Variants in DEPDC5 observed in about 807,000 individuals in gnomAD.
The protein encoded by DEPDC5 is GATOR1 complex protein DEPDC5.
Under a neutral mutation model 217.3 loss-of-function variants are expected in DEPDC5, and 73 were observed. That is an observed-to-expected ratio of 0.34 (90% CI 0.28 to 0.41). The LOEUF (loss-of-function observed/expected upper bound fraction) is 0.41, where lower values mean the gene tolerates loss of function less well. Among genes scored for constraint, DEPDC5 ranks in the 10% least tolerant of loss-of-function variants. The pLI is 1.00. For synonymous variants in DEPDC5, 733 were observed against 756.7 expected (o/e 0.97, Z 0.51); for missense variants, 1,675 against 2,070.1 (o/e 0.81, Z 3.70).
At chr22:31,878,572 G>T (rs2093070282) in intron 37 of DEPDC5, among the ~76,000 whole-genome samples, 1 of 151,792 alleles carries the variant, frequency 6.6e-6, no homozygotes, top group Admixed American at 6.6e-5. Context: ...AATTGGCTGG[G>T]TGTGGTTGTA....
chr22:31,811,251 G>A (rs994664200), intron 20 of DEPDC5, among the ~76,000 whole-genome samples: 6 of 152,234 alleles, frequency 3.9e-5, no homozygotes, highest in Non-Finnish European at 7.4e-5. Context: ...TGTGTTTTTT[G>A]TAGAGATGGG....
Position 31,906,289 on chromosome 22 carries a change from A to T in DEPDC5, c.4604A>T (p.Asn1535Ile). 1.2e-6 allele frequency: 2 copies of T among 1,613,938 alleles called. No homozygotes were observed. The highest frequency in any genetic ancestry group is 1.7e-6 in the Non-Finnish European group (2 of 1,179,928). ...CGGCGGAACTCCACCAGCTCCACCA[A>T]CCAGAACATGTTCTGCGAGGAGCGG... Reference protein sequence around the residue: ...RRRRNSTSSTNQNMFCEERVG... With the variant: ...RRRRNSTSSTIQNMFCEERVG... Residue 1535 changes from asparagine (N) to isoleucine (I), a missense_variant, in exon 43 of 43, where the codon AAC becomes ATC. Physicochemically the swap from Asn to Ile is moderately radical, Grantham distance 149 (BLOSUM62 -3). Around this residue, in one of 11 missense-constraint regions of DEPDC5, gnomAD observed 42 missense variants for 27.7 expected, o/e 1.51. Transcript: ENST00000651528. This position sits in a 1 kb window ranked among gnomAD's most constrained non-coding sequence, Gnocchi z 5.1.
In DEPDC5 at chr22:31,856,155, G is replaced by GCACACACA. The variant is rs136863; in HGVS notation, c.3156-1262_3156-1255dup. 1.6e-3 allele frequency among the ~76,000 whole-genome samples: 219 copies of GCACACACA among 140,668 alleles called. 3 individuals carry two copies. Among genetic ancestry groups the GCACACACA allele is most frequent in the East Asian group, 6.3e-3 (30 of 4,758 alleles). 92.3% of individuals were successfully genotyped at this position (140,668 alleles called of 152,430 possible). Reference sequence around the variant, plus strand: ...GAGATGTGCTGAGTTGGGCCAACGCGCACACACACACACACACACACACAC... The same window carrying GCACACACA: ...GAGATGTGCTGAGTTGGGCCAACGCGCACACACACACACACACACACACACACACACAC... On this transcript the variant is annotated intron_variant, in intron 31 of 42. Coordinates refer to ENST00000651528, the MANE Select transcript of DEPDC5 (RefSeq NM_001242896.3).
chr22:31,811,997 T>C (rs78699873), intron 20 of DEPDC5, among the ~76,000 whole-genome samples: 2 of 151,232 alleles, frequency 1.3e-5, no homozygotes, highest in African/African-American at 2.4e-5. Context: ...TTTTTTTTTC[T>C]TTTTTTTTCG....
intron 39 of DEPDC5, chr22:31,894,944 C>G (rs1301148244): frequency 6.6e-6 from 1 of 151,522 alleles, no homozygotes; most frequent in Non-Finnish European, 1.5e-5. Context: ...GGGTTCGAGA[C>G]CAGCCTGACC....
intron 25 of DEPDC5, chr22:31,836,714 G>C: frequency 2.1e-6 from 1 of 469,664 alleles, no homozygotes; most frequent in Non-Finnish European, 3.8e-6. Flanking sequence ...CTCACAGTCA[G>C]CAGAAAATGA....
In DEPDC5 at chr22:31,906,172, G is replaced by C; in HGVS notation, c.4520-33G>C. On this transcript the variant is annotated intron_variant, in intron 42 of 42. Coordinates refer to ENST00000651528, the MANE Select transcript of DEPDC5 (RefSeq NM_001242896.3). The surrounding 1 kb of genome is among the most constrained non-coding windows in gnomAD (Gnocchi z 5.1). ...AGCAGGCTCCAGGAGCCCTCCTGGT[G>C]GCTGCCACACAGGCGCTCCCCTTTC... 1 of 1,612,846 alleles carries C rather than the reference G, an allele frequency of 6.2e-7. No individual in the cohort carries two copies. The highest frequency in any genetic ancestry group is 8.5e-7 in the Non-Finnish European group (1 of 1,179,178).
chr22:31,799,795 C>T (rs1176508123), intron 14 of DEPDC5, among the ~76,000 whole-genome samples: 6 of 130,356 alleles, frequency 4.6e-5, no homozygotes, highest in Admixed American at 1.6e-4. Context: ...CCACCATGCC[C>T]GGCCTTTTTT....
rs2093730005 is a variant in DEPDC5 at position 31,904,934 on chromosome 22, AAAG to A, written c.4437-1045_4437-1043del. 2.0e-5 allele frequency among the ~76,000 whole-genome samples: 3 copies of A among 152,346 alleles called. No individual in the cohort carries two copies. In the South Asian group the frequency reaches 6.2e-4, roughly 32 times the overall value. ...ACCTCCCCAAGGAACTCAGTCCAGG[AAAG>A]AAGACAGGCATTTTCCCTTCTTTAG... is the stretch of plus-strand genomic sequence containing the variant. On this transcript the variant is annotated intron_variant, in intron 41 of 42. Transcript: ENST00000651528.
At chr22:31,898,796 C>G (rs1004387699) in intron 40 of DEPDC5, among the ~76,000 whole-genome samples, 2 of 152,206 alleles carry the variant, frequency 1.3e-5, no homozygotes, top group Non-Finnish European at 1.5e-5. Context: ...GGGTCCCAAG[C>G]AAGCCCCACA....
intron 32 of DEPDC5, among the ~76,000 whole-genome samples, chr22:31,859,510 G>C (rs2092437422): frequency 6.6e-6 from 1 of 151,744 alleles, no homozygotes; most frequent in African/African-American, 2.4e-5. Context: ...TCCTGCCTCA[G>C]CCTCCCCAGT....
At chr22:31,866,510 C>G (rs1343021552) in intron 33 of DEPDC5, among the ~76,000 whole-genome samples, 3 of 152,140 alleles carry the variant, frequency 2.0e-5, no homozygotes, top group African/African-American at 7.2e-5. Context: ...CTCAGCCTCC[C>G]AAGTAGCTGG....
chr22:31,837,099 G>A lies in DEPDC5; in HGVS notation c.2298G>A (p.Leu766=), dbSNP rs2091061587. The change falls in exon 26 of 43, where the codon CTG becomes CTA. Residue 766 remains leucine (L), a synonymous_variant. Coordinates refer to ENST00000651528, the MANE Select transcript of DEPDC5 (RefSeq NM_001242896.3). ...ACTACTTCCCTGACCGCCAGGGCCT[G>A]CAGAATGACTACACAGAGGGCTGTT... ...TTDYFPDRQG[L]QNDYTEGCYD... The A allele has an allele frequency of 6.2e-7, 1 of 1,614,168 alleles. No individual in the cohort carries two copies. Among genetic ancestry groups the A allele is most frequent in the Non-Finnish European group, 8.5e-7 (1 of 1,180,038 alleles).
chr22:31,875,915 G>C, intron 36 of DEPDC5: 1 of 412,078 alleles, frequency 2.4e-6, no homozygotes, highest in Non-Finnish European at 4.4e-6. Context: ...TTACAGGCGT[G>C]AGCCACTGCT....
intron 41 of DEPDC5, among the ~76,000 whole-genome samples, chr22:31,902,435 T>C (rs968768982): frequency 2.2e-4 from 28 of 125,540 alleles, no homozygotes; most frequent in African/African-American, 6.0e-4. Flanking sequence ...TATATATATA[T>C]ACTTATATAT....
chr22:31,841,932 G>A (rs1034721900), intron 27 of DEPDC5, among the ~76,000 whole-genome samples: 7 of 152,164 alleles, frequency 4.6e-5, no homozygotes, highest in African/African-American at 1.7e-4. Context: ...AAGGAATCTT[G>A]GCTTGGCTTG....
chr22:31,804,052 A>G (rs1034072499), intron 15 of DEPDC5, 110 bp from the exon 16 acceptor site: 10 of 974,802 alleles, frequency 1.0e-5, no homozygotes, highest in African/African-American at 1.6e-5. Flanking sequence ...AAATCATACA[A>G]TGGTAAGTTA....
At chr22:31,759,726 A>G (rs2082235140) in intron 3 of DEPDC5, among the ~76,000 whole-genome samples, 1 of 130,380 alleles carries the variant, frequency 7.7e-6, no homozygotes, top group Non-Finnish European at 1.5e-5. Flanking sequence ...TCTGTCACCC[A>G]GGCTGGAGTG....
At position 31,770,622 on chromosome 22, in the gene DEPDC5, G is replaced by A. The variant is rs546524902; in HGVS notation, c.413+1759G>A. Among the ~76,000 whole-genome samples the A allele has an allele frequency of 2.3e-4, 33 of 146,656 alleles. 1 individual carries two copies. The South Asian group carries it at 6.5e-3, about 29-fold the overall frequency. On this transcript the variant is annotated intron_variant, in intron 7 of 42. Coordinates refer to ENST00000651528, the MANE Select transcript of DEPDC5 (RefSeq NM_001242896.3). The stretch of plus-strand genomic sequence containing the variant: ...TTGGTCAGGCTGGTCTCGAACTCCT[G>A]ACCTCGTGATCTGCCCACCTTCGAC...
Sources: allele counts gnomAD v4.1 joint callset (sites outside exome capture counted in the v4.1 genomes callset), GRCh38; gene constraint gnomAD v4.1.1; regional missense constraint gnomAD v4.1.1; non-coding constraint Gnocchi (gnomAD v3.1); transcripts MANE v1.5; gene names NCBI Gene and HGNC (gene_info 2026-07-23, HGNC 2026-07-21).